Variants in TP53BP1 observed in about 807,000 individuals in gnomAD.
TP53BP1 encodes TP53-binding protein 1.
A neutral mutation model predicts 200.8 loss-of-function variants in TP53BP1; 61 were observed. That is an observed-to-expected ratio of 0.30 (90% CI 0.25 to 0.38). The LOEUF (loss-of-function observed/expected upper bound fraction) is 0.38, where lower values mean the gene tolerates loss of function less well. TP53BP1 is among the 10% of genes least tolerant of loss of function. The probability of loss-of-function intolerance (pLI) is 1.00; values close to 1 mark genes in which losing one functional copy is unlikely to be tolerated. For missense variants in TP53BP1, 2,144 were observed against 2,371.9 expected, an observed-to-expected ratio of 0.90 and a Z score of 2.00; for synonymous variants, 822 against 844.3, an observed-to-expected ratio of 0.97 and a Z score of 0.46.
Position 43,418,175 on chromosome 15 carries a change from G to GT in TP53BP1, c.4682-1760dup, listed in dbSNP as rs373068566. Among the ~76,000 whole-genome samples the GT allele has an allele frequency of 3.9e-4, 38 of 96,952 alleles. No homozygotes were observed. In the East Asian group the frequency reaches 9.5e-3, roughly 24 times the overall value. 63.6% of individuals were successfully genotyped at this position (96,952 alleles called of 152,430 possible). A position where few individuals can be genotyped will look rare whatever the true frequency, so the allele number is the denominator to read the frequency against. ...AGCCTGGGCGACAGAGCAAGGCTCT[G>GT]TTTTTAAAAAAAAAAAAAAAAAAAA... On this transcript the variant is annotated intron_variant, in intron 21 of 27. Coordinates refer to ENST00000382044, the MANE Select transcript of TP53BP1 (RefSeq NM_001141980.3).
intron 4 of TP53BP1, among the ~76,000 whole-genome samples, chr15:43,481,932 A>C (rs1307417409): frequency 4.6e-5 from 7 of 151,988 alleles, no homozygotes; most frequent in Non-Finnish European, 1.0e-4. Context: ...ATATTTTTAA[A>C]ATAAGTTAAC....
In TP53BP1 at chr15:43,409,036, A is replaced by G. The variant is rs1452989830; in HGVS notation, c.5461T>C (p.Phe1821Leu). The change falls in exon 26 of 28, where the codon TTC becomes CTC. Residue 1821 changes from phenylalanine (F) to leucine (L), a missense_variant. This residue lies in a region of TP53BP1 where 334 missense variants were observed against 453.4 expected (regional missense o/e 0.74). Coordinates refer to ENST00000382044, the MANE Select transcript of TP53BP1 (RefSeq NM_001141980.3). Reference protein sequence around the residue: ...ADQHCRTRKYFLCLASGIPCV... With the variant: ...ADQHCRTRKYLLCLASGIPCV... ...GGAATCCCACTGGCAAGGCACAGGA[A>G]GTACTTCCGGGTTCGACAATGCTGA... 6.2e-7 allele frequency: 1 copy of G among 1,614,236 alleles called. No homozygotes were observed. The highest frequency in any genetic ancestry group is 8.5e-7 in the Non-Finnish European group (1 of 1,180,028).
At chr15:43,420,894 T>C in intron 20 of TP53BP1, 131 bp downstream of exon 20, 1 of 1,345,900 alleles carries the variant, frequency 7.4e-7, no homozygotes. Flanking sequence ...CTCACTCTGA[T>C]CCCTGCCCAC....
rs547753525 is a variant in TP53BP1 at position 43,470,121 on chromosome 15, T to TTAGTG, written c.1181-56_1181-55insCACTA. The TTAGTG allele has an allele frequency of 9.6e-5, 137 of 1,421,146 alleles. No individual in the cohort carries two copies. In the East Asian group the frequency reaches 3.1e-3, roughly 32 times the overall value. The allele number at this position is 1,421,146 out of a possible 1,614,324, so 88.0% of individuals were successfully genotyped here. On this transcript the variant is annotated intron_variant, in intron 10 of 27. Coordinates refer to ENST00000382044, the MANE Select transcript of TP53BP1 (RefSeq NM_001141980.3). ...AAATATCACTCATCAATATTACTCA[T>TTAGTG]GTTCCAAAACCACTAAGAACAATTA...
At chr15:43,441,746 TTTTA>T (rs977668140) in intron 14 of TP53BP1, among the ~76,000 whole-genome samples, 163 bp from the exon 15 acceptor site, 1 of 152,118 alleles carries the variant, frequency 6.6e-6, no homozygotes, top group African/African-American at 2.4e-5. Flanking sequence ...TTTCTTGTAA[TTTTA>T]TTTATTTATT....
chr15:43,412,901 C>T (rs532483908), intron 24 of TP53BP1: 5 of 602,114 alleles, frequency 8.3e-6, no homozygotes, highest in South Asian at 1.9e-5. Context: ...ATCTGCCTCA[C>T]AGGATTGTTT....
intron 15 of TP53BP1, among the ~76,000 whole-genome samples, chr15:43,438,956 T>C (rs12914122): frequency 0.17 from 26,588 of 152,098 alleles, 2,505 homozygotes; most frequent in Middle Eastern, 0.28. Flanking sequence ...CGGTTAAGTT[T>C]AAAATAAGAA....
intron 16 of TP53BP1, among the ~76,000 whole-genome samples, chr15:43,436,406 T>G (rs912386799): frequency 6.6e-6 from 1 of 152,158 alleles, no homozygotes; most frequent in African/African-American, 2.4e-5. Flanking sequence ...CCTTTTCCAC[T>G]GCCATTACTT....
intron 23 of TP53BP1, among the ~76,000 whole-genome samples, chr15:43,414,816 C>G (rs899898178): frequency 6.6e-6 from 1 of 151,952 alleles, no homozygotes; most frequent in African/African-American, 2.4e-5. Flanking sequence ...AATGATTCTA[C>G]TGCCTCAGCC....
In TP53BP1 at chr15:43,428,846, T is replaced by G. The variant is rs2045609623; in HGVS notation, c.3676-678A>C. Among the ~76,000 whole-genome samples the G allele has an allele frequency of 2.0e-5, 3 of 152,210 alleles. No individual in the cohort carries two copies. In the South Asian group the frequency reaches 6.2e-4, roughly 32 times the overall value. On this transcript the variant is annotated intron_variant, in intron 17 of 27. Transcript: ENST00000382044. ...GGGCTAAATAAGACCCTACTTTTTA[T>G]GATAACTATTAAATAATATTACTTA...
chr15:43,462,203 C>G (rs2046452532), intron 11 of TP53BP1, among the ~76,000 whole-genome samples: 1 of 91,824 alleles, frequency 1.1e-5, no homozygotes, highest in Admixed American at 1.7e-4. Flanking sequence ...ACGTGGAGAG[C>G]GAGACTTCAT....
chr15:43,482,721 T>A (rs1425210028), intron 4 of TP53BP1, among the ~76,000 whole-genome samples: 7 of 151,556 alleles, frequency 4.6e-5, no homozygotes, highest in African/African-American at 1.7e-4. Flanking sequence ...TGAGCCAAGA[T>A]CACGCTACTG....
Position 43,421,848 on chromosome 15 carries a change from T to A in TP53BP1, c.4100+7A>T, listed in dbSNP as rs369014545. 1 of 1,614,022 alleles carries A rather than the reference T, an allele frequency of 6.2e-7. No homozygotes were observed. Among genetic ancestry groups the A allele is most frequent in the African/African-American group, 1.3e-5 (1 of 74,940 alleles). ...TGGCTCTCTCTCTCTGGAGACCCTGTCTGCACCTCAGTTTTCCTGGGCCTC... is the reference window on the plus strand; with the variant it reads ...TGGCTCTCTCTCTCTGGAGACCCTGACTGCACCTCAGTTTTCCTGGGCCTC... On this transcript the variant is annotated splice_region_variant and intron_variant, in intron 19 of 27. Transcript: ENST00000382044.
intron 27 of TP53BP1, 186 bp from the exon 28 acceptor site, chr15:43,407,756 A>C: frequency 2.6e-6 from 2 of 781,534 alleles, no homozygotes; most frequent in Non-Finnish European, 4.0e-6. Context: ...CCTTGTAGAA[A>C]TATTTAACAA....
At chr15:43,490,245 A>G (rs1249770915) in intron 4 of TP53BP1, among the ~76,000 whole-genome samples, 15 of 152,050 alleles carry the variant, frequency 9.9e-5, no homozygotes, top group Admixed American at 9.2e-4. Context: ...ACCCGCTACC[A>G]CACCTCGTTA....
At chr15:43,421,755 G>C (rs751230355) in intron 19 of TP53BP1, 100 bp downstream of exon 19, 1 of 1,469,044 alleles carries the variant, frequency 6.8e-7, no homozygotes, top group Non-Finnish European at 9.3e-7. Flanking sequence ...CTTTAATGGA[G>C]GATGGGGGAT....
chr15:43,495,840 A>G (rs140147858), upstream of TP53BP1, among the ~76,000 whole-genome samples: 2,282 of 151,786 alleles, frequency 0.015, 25 homozygotes, highest in Non-Finnish European at 0.022. Context: ...AAGCCTAAAA[A>G]CCTCAGCCTG....
rs1595640625 is a variant in TP53BP1, at chr15:43,508,420, G to A, written c.-9+1950C>T. Among the ~76,000 whole-genome samples the A allele has an allele frequency of 2.0e-5, 3 of 152,178 alleles. No homozygotes were observed. The East Asian group carries it at 5.8e-4, about 29-fold the overall frequency. On this transcript the variant is annotated intron_variant, in intron 1 of 27. Coordinates refer to the TP53BP1 transcript ENST00000263801. ...CGCTTGTAATCCCAGTCCTTTGGGA[G>A]GCCAAGGCAAGAGGACTGCTTGAGG... is the stretch of plus-strand genomic sequence containing the variant.
chr15:43,460,517 C>T (rs1203708638), intron 11 of TP53BP1, among the ~76,000 whole-genome samples: 1 of 152,078 alleles, frequency 6.6e-6, no homozygotes, highest in Non-Finnish European at 1.5e-5. Flanking sequence ...GCTTAGCCTC[C>T]CAAACTGCTA....
Sources: allele counts gnomAD v4.1 joint callset (sites outside exome capture counted in the v4.1 genomes callset), GRCh38; gene constraint gnomAD v4.1.1; regional missense constraint gnomAD v4.1.1; transcripts MANE v1.5; gene names NCBI Gene and HGNC (gene_info 2026-07-23, HGNC 2026-07-21).